RPS6KA2: variants seen among roughly 807,000 people sequenced by gnomAD.
The protein encoded by RPS6KA2 is ribosomal protein S6 kinase A2.
RPS6KA2 carries 42 observed loss-of-function variants against 91.8 expected under a neutral mutation model. The ratio of observed to expected loss-of-function variants is 0.46; its 90% CI spans 0.36 to 0.59. The LOEUF is 0.59. Among genes scored for constraint, RPS6KA2 ranks in the 20% least tolerant of loss-of-function variants. RPS6KA2 has a pLI of 0.00. For synonymous variants in RPS6KA2, 414 were observed against 393.6 expected, an observed-to-expected ratio of 1.05 and a Z score of -0.61; for missense variants, 798 against 978.5, an observed-to-expected ratio of 0.82 and a Z score of 2.46.
At chr6:166,761,859 T>C (rs781290317) in intron 2 of RPS6KA2, among the ~76,000 whole-genome samples, 35 of 152,172 alleles carry the variant, frequency 2.3e-4, no homozygotes, top group Middle Eastern at 3.2e-3. Context: ...TCCTCGCATT[T>C]GAGGCAGCGT....
At chr6:166,709,111 G>A (rs764335158) in intron 2 of RPS6KA2, among the ~76,000 whole-genome samples, 3 of 152,098 alleles carry the variant, frequency 2.0e-5, no homozygotes, top group Admixed American at 6.5e-5. Flanking sequence ...CCTCTTATCC[G>A]GGTTGTGCCT....
intron 2 of RPS6KA2, among the ~76,000 whole-genome samples, chr6:166,746,527 T>G (rs1039514514): frequency 1.3e-5 from 2 of 152,206 alleles, no homozygotes; most frequent in African/African-American, 4.8e-5. Flanking sequence ...ACCAGCAAGA[T>G]GTCCTTTAAT....
At chr6:166,746,521 G>A (rs554201732) in intron 2 of RPS6KA2, among the ~76,000 whole-genome samples, 1 of 152,342 alleles carries the variant, frequency 6.6e-6, no homozygotes, top group Admixed American at 6.5e-5. Flanking sequence ...ACAGACACCA[G>A]CAAGATGTCC....
At chr6:166,541,917 T>C (rs1001604599) in intron 1 of RPS6KA2, among the ~76,000 whole-genome samples, 1 of 152,174 alleles carries the variant, frequency 6.6e-6, no homozygotes, top group Admixed American at 6.5e-5. Context: ...TCACTTCTCA[T>C]TTCAAATCAG....
chr6:166,771,518 G>A (rs1016189302), intron 2 of RPS6KA2, among the ~76,000 whole-genome samples: 18 of 152,154 alleles, frequency 1.2e-4, no homozygotes, highest in Admixed American at 7.2e-4. Flanking sequence ...GTGGTTTTAG[G>A]ACTGCTGAGA....
At chr6:166,427,415 C>T (rs948017899) in intron 16 of RPS6KA2, among the ~76,000 whole-genome samples, 4 of 152,180 alleles carry the variant, frequency 2.6e-5, no homozygotes, top group African/African-American at 9.7e-5. Flanking sequence ...CCTCTCTCAT[C>T]ACTCCTATTC....
intron 2 of RPS6KA2, among the ~76,000 whole-genome samples, chr6:166,857,109 C>T (rs1390674116): frequency 1.3e-5 from 2 of 152,212 alleles, no homozygotes; most frequent in East Asian, 1.9e-4. Flanking sequence ...TCCAGCGACA[C>T]TTGGCTTAAA....
At chr6:166,504,434 A>C in intron 6 of RPS6KA2, 72 bp downstream of exon 6, 1 of 881,990 alleles carries the variant, frequency 1.1e-6, no homozygotes, top group Non-Finnish European at 1.8e-6. Context: ...AGCAGTGGCT[A>C]CCAACATGGG....
intron 2 of RPS6KA2, among the ~76,000 whole-genome samples, chr6:166,677,291 ATAG>A (rs1331946659): frequency 6.6e-6 from 1 of 152,188 alleles, no homozygotes; most frequent in Non-Finnish European, 1.5e-5. Context: ...GAGATATAAA[ATAG>A]TAGAAGATAC....
chr6:166,576,281 A>C (rs1784834852), intron 1 of RPS6KA2, among the ~76,000 whole-genome samples: 1 of 152,210 alleles, frequency 6.6e-6, no homozygotes, highest in Non-Finnish European at 1.5e-5. Flanking sequence ...CAGTAGAGTA[A>C]GGCATTGCTG....
chr6:166,453,237 G>T (rs772106877), intron 12 of RPS6KA2, among the ~76,000 whole-genome samples: 1 of 147,050 alleles, frequency 6.8e-6, no homozygotes, highest in Non-Finnish European at 1.5e-5. Flanking sequence ...ACACAAAAAG[G>T]CTTTAAGACC....
At chr6:166,771,044 T>G in intron 2 of RPS6KA2, 1 of 673,420 alleles carries the variant, frequency 1.5e-6, no homozygotes, top group Non-Finnish European at 2.4e-6. Context: ...AACATTAATC[T>G]CCACATAATT....
intron 2 of RPS6KA2, among the ~76,000 whole-genome samples, chr6:166,634,320 G>A (rs545713726): frequency 7.9e-5 from 12 of 152,136 alleles, no homozygotes; most frequent in Non-Finnish European, 1.6e-4. Context: ...AGAACTTGCC[G>A]CAGACCCACG....
At chr6:166,778,196 G>A (rs1187484565) in intron 2 of RPS6KA2, among the ~76,000 whole-genome samples, 1 of 152,220 alleles carries the variant, frequency 6.6e-6, no homozygotes, top group Admixed American at 6.5e-5. Flanking sequence ...GCGCAGCAGA[G>A]CCTGGAGACC....
rs71639661 is a variant in RPS6KA2, at chr6:166,767,774, AACACACACACACACACAC to A, written c.123+90408_123+90425del. On this transcript the variant is annotated intron_variant, in intron 2 of 21. Transcript: ENST00000503859. This position sits in a 1 kb window ranked among gnomAD's most constrained non-coding sequence, Gnocchi z 4.6. Reference sequence around the variant, plus strand: ...AAGAACTAAAGACAATACCTCCTCAAACACACACACACACACACACACACACACACACACACACACACC... The same window carrying A: ...AAGAACTAAAGACAATACCTCCTCAAACACACACACACACACACACACACC... Among the ~76,000 whole-genome samples, 23 of 146,856 alleles carry A rather than the reference AACACACACACACACACAC, an allele frequency of 1.6e-4. 1 individual carries two copies. Among genetic ancestry groups the A allele is most frequent in the South Asian group, 4.5e-4 (2 of 4,416 alleles).
In RPS6KA2 at chr6:166,448,658, A is replaced by G. The variant is rs2128454301; in HGVS notation, c.1332+66T>C. 4 of 1,529,566 alleles carry G rather than the reference A, an allele frequency of 2.6e-6. No individual in the cohort carries two copies. Among genetic ancestry groups the G allele is most frequent in the South Asian group, 1.2e-5 (1 of 82,930 alleles). 94.7% of individuals were successfully genotyped at this position (1,529,566 alleles called of 1,614,324 possible). A position where few individuals can be genotyped will look rare whatever the true frequency, so the allele number is the denominator to read the frequency against. On this transcript the variant is annotated intron_variant, in intron 14 of 20. Coordinates refer to ENST00000265678, the MANE Select transcript of RPS6KA2 (RefSeq NM_021135.6). This position sits in a 1 kb window ranked among gnomAD's most constrained non-coding sequence, Gnocchi z 4.7. Reference sequence around the variant, plus strand: ...ATGCTCCTATGCTCCGTGCTCCCACATACCACACGTGCTCCCACGCGCTGC... The same window carrying G: ...ATGCTCCTATGCTCCGTGCTCCCACGTACCACACGTGCTCCCACGCGCTGC...
rs1778368446 is a variant in RPS6KA2 at position 166,768,052 on chromosome 6, T to A, written c.123+90148A>T. On this transcript the variant is annotated intron_variant, in intron 2 of 21. Coordinates refer to the RPS6KA2 transcript ENST00000503859. ...AAATCTGAGAAACAATTACTTTTTC[T>A]TTGTTCAAGTCCCACCCAATCGACA... Among the ~76,000 whole-genome samples the A allele has an allele frequency of 2.0e-5, 3 of 152,236 alleles. No individual in the cohort carries two copies. The South Asian group carries it at 6.2e-4, about 31-fold the overall frequency.
At chr6:166,802,927 T>G (rs955072038) in intron 2 of RPS6KA2, among the ~76,000 whole-genome samples, 1 of 87,956 alleles carries the variant, frequency 1.1e-5, no homozygotes, top group African/African-American at 3.5e-5. Flanking sequence ...ATATAATGTA[T>G]GTATATGTGT....
At chr6:166,771,885 G>T (rs1778481191) in intron 2 of RPS6KA2, among the ~76,000 whole-genome samples, 2 of 152,248 alleles carry the variant, frequency 1.3e-5, no homozygotes, top group South Asian at 4.2e-4. Flanking sequence ...CATGAGGAAA[G>T]GGGTCCAGCG....
Sources: gnomAD v4.1 joint callset for allele counts (sites outside exome capture counted in the v4.1 genomes callset) on GRCh38, gnomAD v4.1.1 for gene constraint, Gnocchi (gnomAD v3.1) non-coding constraint, MANE v1.5 for transcripts, NCBI Gene and HGNC (gene_info 2026-07-23, HGNC 2026-07-21) for gene names.